Variants in CSMD2 observed in about 807,000 individuals in gnomAD.
CSMD2 encodes CUB and sushi domain-containing protein 2.
A neutral mutation model predicts 398.5 loss-of-function variants in CSMD2; 130 were observed. The ratio of observed to expected loss-of-function variants is 0.33; its 90% CI spans 0.28 to 0.38. The LOEUF is 0.38. CSMD2 is among the 10% of genes least tolerant of loss of function. The probability of loss-of-function intolerance (pLI) is 1.00; values close to 1 mark genes in which losing one functional copy is unlikely to be tolerated. For missense variants in CSMD2, 3,829 were observed against 4,764.9 expected, an observed-to-expected ratio of 0.80 and a Z score of 5.78; for synonymous variants, 1,828 against 1,908.5, an observed-to-expected ratio of 0.96 and a Z score of 1.10.
chr1:33,936,378 G>A lies in CSMD2; in HGVS notation c.518-424C>T, dbSNP rs185563099. 3.3e-4 allele frequency among the ~76,000 whole-genome samples: 50 copies of A among 152,340 alleles called. 1 individual carries two copies. The East Asian group carries it at 9.5e-3, about 29-fold the overall frequency. ...CATAAGGCATGGCATAAGAGTAGGT[G>A]CTCATTAAATCCAGTGTCCTTTCTT... On this transcript the variant is annotated intron_variant, in intron 3 of 70. Transcript: ENST00000373381.
chr1:34,160,480 C>G (rs999914055), intron 1 of CSMD2, among the ~76,000 whole-genome samples: 3 of 152,118 alleles, frequency 2.0e-5, no homozygotes, highest in Admixed American at 2.0e-4. Context: ...GGGAAAGGAA[C>G]AGGGGACCAG....
At chr1:33,848,153 A>C (rs989128882) in intron 5 of CSMD2, among the ~76,000 whole-genome samples, 5 of 152,200 alleles carry the variant, frequency 3.3e-5, no homozygotes, top group Non-Finnish European at 7.3e-5. Flanking sequence ...TCTTGGAACT[A>C]TAAAGGTGAG....
chr1:33,740,386 G>A (rs989734303), intron 14 of CSMD2, among the ~76,000 whole-genome samples: 3 of 152,054 alleles, frequency 2.0e-5, no homozygotes, highest in African/African-American at 7.3e-5. Context: ...ATGGCTGCAT[G>A]GGTATGGGCC....
intron 64 of CSMD2, among the ~76,000 whole-genome samples, 175 bp downstream of exon 64, chr1:33,532,875 C>T (rs1031314437): frequency 7.4e-4 from 113 of 152,348 alleles, no homozygotes; most frequent in African/African-American, 2.7e-3. Context: ...TGAGTATGCA[C>T]CTTTTTAGAC....
chr1:33,841,772 T>C (rs1055966724), intron 6 of CSMD2, among the ~76,000 whole-genome samples: 1 of 152,208 alleles, frequency 6.6e-6, no homozygotes, highest in South Asian at 2.1e-4. Context: ...ACTGCTCAGG[T>C]TGAAGTAGGG....
chr1:33,617,657 G>A (rs1377585956), intron 37 of CSMD2, 40 bp from the exon 38 acceptor site: 1 of 1,514,358 alleles, frequency 6.6e-7, no homozygotes, highest in South Asian at 1.1e-5. Context: ...GAATGGACTA[G>A]CCCAGCAGGT....
Position 34,044,670 on chromosome 1 carries a change from G to A in CSMD2, c.405-11964C>T, listed in dbSNP as rs190489622. 6.6e-5 allele frequency among the ~76,000 whole-genome samples: 10 copies of A among 152,112 alleles called. No homozygotes were observed. The East Asian group carries it at 1.5e-3, about 24-fold the overall frequency. ...CATGTGATAAGCCTCCACTTCCGAG[G>A]GTGATCTATGCATGTCTCTTCTTTG... On this transcript the variant is annotated intron_variant, in intron 2 of 70. Coordinates refer to ENST00000373381, the MANE Select transcript of CSMD2 (RefSeq NM_001281956.2).
intron 3 of CSMD2, among the ~76,000 whole-genome samples, chr1:33,947,771 T>A (rs906456678): frequency 1.2e-4 from 19 of 152,206 alleles, no homozygotes; most frequent in African/African-American, 4.1e-4. Flanking sequence ...CCTCACTTCC[T>A]CCTTCAGCAT....
chr1:33,578,006 A>G (rs1441386060), intron 48 of CSMD2, among the ~76,000 whole-genome samples: 1 of 152,068 alleles, frequency 6.6e-6, no homozygotes, highest in African/African-American at 2.4e-5. Flanking sequence ...TTTTTGGGCA[A>G]TTTAAGCTGT....
Position 33,570,166 on chromosome 1 carries a change from C to CTTTT in CSMD2, c.7958-623_7958-620dup, listed in dbSNP as rs5773416. ...CAGTGTCATGAATCACGGACATTGG[C>CTTTT]TTTTTTTTTTTTTTTTTTTGAGACG... On this transcript the variant is annotated intron_variant, in intron 51 of 70. Transcript: ENST00000373381. Among the ~76,000 whole-genome samples, 8 of 117,288 alleles carry CTTTT rather than the reference C, an allele frequency of 6.8e-5. 1 individual carries two copies. In the East Asian group the frequency reaches 1.8e-3, roughly 26 times the overall value. The allele number at this position is 117,288 out of a possible 152,430, so 76.9% of individuals were successfully genotyped here.
At chr1:34,048,800 T>G (rs1652842642) in intron 2 of CSMD2, among the ~76,000 whole-genome samples, 1 of 152,212 alleles carries the variant, frequency 6.6e-6, no homozygotes, top group African/African-American at 2.4e-5. Context: ...TATTATCAGC[T>G]GCTGCATAGC....
intron 4 of CSMD2, among the ~76,000 whole-genome samples, chr1:33,928,575 C>T (rs960896742): frequency 9.2e-5 from 14 of 152,312 alleles, no homozygotes; most frequent in Admixed American, 2.6e-4. Flanking sequence ...GTAACTGGTC[C>T]CAAGCCACTC....
chr1:33,781,164 C>G (rs1652714206), intron 12 of CSMD2, among the ~76,000 whole-genome samples: 1 of 152,210 alleles, frequency 6.6e-6, no homozygotes, highest in Non-Finnish European at 1.5e-5. Context: ...TGCTCTCAGA[C>G]TTTATTTTTA....
intron 58 of CSMD2, among the ~76,000 whole-genome samples, chr1:33,541,729 C>G (rs1302969889): frequency 6.6e-6 from 1 of 152,218 alleles, no homozygotes; most frequent in East Asian, 1.9e-4. Context: ...TATGAAGATT[C>G]ACCTTATTCA....
intron 5 of CSMD2, among the ~76,000 whole-genome samples, chr1:33,868,151 A>G (rs1640174451): frequency 6.6e-6 from 1 of 152,042 alleles, no homozygotes; most frequent in South Asian, 2.1e-4. Flanking sequence ...TAGATGGACA[A>G]TCTGGTGTGG....
chr1:33,801,257 T>C lies in CSMD2; in HGVS notation c.1447-8731A>G, dbSNP rs191289801. 2.4e-4 allele frequency among the ~76,000 whole-genome samples: 36 copies of C among 152,316 alleles called. No individual in the cohort carries two copies. In the East Asian group the frequency reaches 5.8e-3, roughly 25 times the overall value. On this transcript the variant is annotated intron_variant, in intron 10 of 70. Transcript: ENST00000373381. ...TCTTTTCTAGCAAAGGTGGATTAAC[T>C]ATCCTGATCAAATCAAGTGAGGCTC...
At chr1:33,918,419 G>T in intron 4 of CSMD2, 118 bp from the exon 5 acceptor site, 1 of 824,672 alleles carries the variant, frequency 1.2e-6, no homozygotes, top group Non-Finnish European at 1.9e-6. Context: ...TTCACAGTTT[G>T]TGGACATAGA....
rs190386002 is a variant in CSMD2 at position 33,691,372 on chromosome 1, A to G, written c.4052+1558T>C. On this transcript the variant is annotated intron_variant, in intron 25 of 70. Transcript: ENST00000373381. The stretch of plus-strand genomic sequence containing the variant: ...AGTGCCGTGCAGGATGAATGTGCAT[A>G]TTTAACTTGTTCCCTAACAATGCAA... 7.2e-4 allele frequency among the ~76,000 whole-genome samples: 110 copies of G among 152,304 alleles called. 1 individual carries two copies. Among genetic ancestry groups the G allele is most frequent in the Non-Finnish European group, 1.2e-3 (79 of 68,022 alleles).
intron 64 of CSMD2, among the ~76,000 whole-genome samples, chr1:33,532,523 T>C (rs1570638174): frequency 6.6e-6 from 1 of 152,230 alleles, no homozygotes; most frequent in South Asian, 2.1e-4. Flanking sequence ...CACATCTCCA[T>C]GTTCCTCCAA....
Sources: gnomAD v4.1 joint callset for allele counts (sites outside exome capture counted in the v4.1 genomes callset) on GRCh38, gnomAD v4.1.1 for gene constraint, MANE v1.5 for transcripts, NCBI Gene and HGNC (gene_info 2026-07-23, HGNC 2026-07-21) for gene names.